Variants in EML5 observed in about 807,000 individuals in gnomAD.
The protein encoded by EML5 is echinoderm microtubule-associated protein-like 5.
In EML5, 120 loss-of-function variants were observed where a neutral mutation model predicts 250.0. That is an observed-to-expected ratio of 0.48 (90% confidence interval 0.41 to 0.56). The LOEUF is 0.56. EML5 is among the 20% of genes least tolerant of loss of function. The pLI is 0.00. For missense variants in EML5, 2,006 were observed against 2,437.6 expected (o/e 0.82, Z 3.73); for synonymous variants, 771 against 806.5 (o/e 0.96, Z 0.75).
intron 1 of EML5, among the ~76,000 whole-genome samples, chr14:88,765,366 C>T (rs552644529): frequency 1.2e-4 from 18 of 152,158 alleles, no homozygotes; most frequent in Non-Finnish European, 2.6e-4. Context: ...GAGGCTTTCA[C>T]TCCCCTGCTG....
At chr14:88,699,981 C>T (rs1478474891) in intron 14 of EML5, among the ~76,000 whole-genome samples, 1 of 152,158 alleles carries the variant, frequency 6.6e-6, no homozygotes. Flanking sequence ...TATACACACA[C>T]ACATACATAT....
intron 1 of EML5, among the ~76,000 whole-genome samples, chr14:88,762,167 T>C (rs2094253856): frequency 1.3e-5 from 2 of 152,258 alleles, no homozygotes; most frequent in East Asian, 1.9e-4. Context: ...TAAATGTATA[T>C]GCACCCAATA....
chr14:88,727,113 T>A (rs1325926456), intron 7 of EML5, among the ~76,000 whole-genome samples: 2 of 152,174 alleles, frequency 1.3e-5, no homozygotes, highest in Non-Finnish European at 2.9e-5. Flanking sequence ...ATAAACACAA[T>A]GTTTTGCCAT....
rs1017419990 is a variant in EML5 at position 88,736,509 on chromosome 14, C to T, written c.904G>A (p.Asp302Asn). ...ACCACAATTTCAAAAATTTCACTGT[C>T]CTGTGTTCCAACTAGAATGTGGTCA... is the stretch of plus-strand genomic sequence containing the variant. ...RGDHILVGTQ[D>N]SEIFEIVVQE... The change falls in exon 7 of 44, where the codon GAC (aspartate) becomes AAC (asparagine). Residue 302 changes from aspartate (D) to asparagine (N), a missense_variant. By Grantham distance (23) the Asp-to-Asn change is conservative. Transcript: ENST00000554922. The T allele has an allele frequency of 3.1e-6, 5 of 1,613,864 alleles. No homozygotes were observed. Among genetic ancestry groups the T allele is most frequent in the Admixed American group, 3.3e-5 (2 of 59,998 alleles).
At chr14:88,723,243 GC>G (rs1026084440) in intron 8 of EML5, among the ~76,000 whole-genome samples, 19 of 152,172 alleles carry the variant, frequency 1.2e-4, no homozygotes, top group African/African-American at 4.3e-4. Context: ...TGAGGCCCAG[GC>G]TCTACAAAAA....
intron 19 of EML5, among the ~76,000 whole-genome samples, chr14:88,686,306 GA>G (rs1176122999): frequency 5.3e-5 from 8 of 152,202 alleles, no homozygotes; most frequent in African/African-American, 1.9e-4. Flanking sequence ...TGCACTCAAA[GA>G]CGAGTTAACG....
rs1418933140 is a variant in EML5 at position 88,617,100 on chromosome 14, C to T, written c.5643-221G>A. The T allele has an allele frequency of 1.0e-5, 4 of 393,324 alleles. No homozygotes were observed. In the East Asian group the frequency reaches 1.1e-4, roughly 11 times the overall value. 24.4% of individuals were successfully genotyped at this position (393,324 alleles called of 1,614,324 possible). A position where few individuals can be genotyped will look rare whatever the true frequency, so the allele number is the denominator to read the frequency against. Reference sequence around the variant, plus strand: ...TAATTTGAAGGGTTTCTAGATTAATCTTTTTAAGATTAAAGTAGTACTTTA... The same window carrying T: ...TAATTTGAAGGGTTTCTAGATTAATTTTTTTAAGATTAAAGTAGTACTTTA... On this transcript the variant is annotated intron_variant, in intron 41 of 43. Transcript: ENST00000554922.
At position 88,687,409 on chromosome 14, in the gene EML5, C is replaced by A. The variant is rs2092858241; in HGVS notation, c.2743-82G>T. 1.8e-5 allele frequency: 18 copies of A among 985,972 alleles called. No individual in the cohort carries two copies. The South Asian group carries it at 3.1e-4, about 17-fold the overall frequency. The allele number at this position is 985,972 out of a possible 1,614,324, so 61.1% of individuals were successfully genotyped here. The stretch of plus-strand genomic sequence containing the variant: ...ACCTTTTTCCTTATATTGAAAACTT[C>A]TAGAAAAAAGAACATAGTCAAAAGT... On this transcript the variant is annotated intron_variant, in intron 18 of 43. Coordinates refer to ENST00000554922, the MANE Select transcript of EML5 (RefSeq NM_183387.3).
At chr14:88,696,772 C>A in intron 15 of EML5, 75 bp downstream of exon 15, 3 of 1,003,408 alleles carry the variant, frequency 3.0e-6, no homozygotes, top group East Asian at 2.6e-5. Context: ...GCTTAGGTAA[C>A]ACTGACTTAG....
At chr14:88,755,294 A>G (rs2094145258) in intron 1 of EML5, among the ~76,000 whole-genome samples, 1 of 152,220 alleles carries the variant, frequency 6.6e-6, no homozygotes, top group Non-Finnish European at 1.5e-5. Context: ...ACAAATTGGT[A>G]GCCTTTTCCT....
At chr14:88,784,564 ACAACCTAC>A (rs1345766775) in intron 1 of EML5, among the ~76,000 whole-genome samples, 1 of 152,206 alleles carries the variant, frequency 6.6e-6, no homozygotes, top group Non-Finnish European at 1.5e-5. Context: ...CTAGACATAT[ACAACCTAC>A]CAAGATTGAA....
chr14:88,649,857 A>C, intron 28 of EML5, 55 bp downstream of exon 28: 1 of 1,348,240 alleles, frequency 7.4e-7, no homozygotes, highest in Non-Finnish European at 1.0e-6. Flanking sequence ...TACCATAAAG[A>C]ATAAAATAAA....
At chr14:88,742,091 A>C (rs2140261763) in intron 4 of EML5, among the ~76,000 whole-genome samples, 1 of 152,286 alleles carries the variant, frequency 6.6e-6, no homozygotes, top group Non-Finnish European at 1.5e-5. Flanking sequence ...GAAATCATAA[A>C]ATGGGATGCC....
rs2094620735 is a variant in EML5 at position 88,792,478 on chromosome 14, C to G, written c.26G>C (p.Cys9Ser). The G allele has an allele frequency of 1.4e-6, 2 of 1,465,270 alleles. No individual in the cohort carries two copies. Among genetic ancestry groups the G allele is most frequent in the Non-Finnish European group, 1.8e-6 (2 of 1,102,476 alleles). The allele number at this position is 1,465,270 out of a possible 1,614,324, so 90.8% of individuals were successfully genotyped here. ...GTACACCCACTCGAGCCGCAGGTGG[C>G]AGCTCGGGGCGCTCCGGGCCGCCAT... The part of the protein sequence containing the change: MAARSAPS[C>S]HLRLEWVYGY... Residue 9 changes from cysteine (C) to serine (S), a missense_variant, in exon 1 of 44, where the codon TGC becomes TCC. Physicochemically the swap from Cys to Ser is moderately radical, Grantham distance 112. Around this residue, in one of 7 missense-constraint regions of EML5, gnomAD observed 162 missense variants for 212.2 expected, o/e 0.76. Coordinates refer to ENST00000554922, the MANE Select transcript of EML5 (RefSeq NM_183387.3). The surrounding 1 kb of genome is among the most constrained non-coding windows in gnomAD (Gnocchi z 6.9).
chr14:88,732,863 T>A (rs970290631), intron 7 of EML5, among the ~76,000 whole-genome samples: 4 of 152,148 alleles, frequency 2.6e-5, no homozygotes, highest in African/African-American at 9.7e-5. Flanking sequence ...CAGGCTGGAG[T>A]GCAGTGGCGC....
At chr14:88,656,013 TTGG>T (rs1410097944) in intron 27 of EML5, among the ~76,000 whole-genome samples, 2 of 152,194 alleles carry the variant, frequency 1.3e-5, no homozygotes, top group Non-Finnish European at 2.9e-5. Flanking sequence ...TTTTACACTG[TTGG>T]TGGGAGTGTA....
chr14:88,621,084 C>A (rs763967374), intron 38 of EML5, 29 bp downstream of exon 38: 3 of 1,594,278 alleles, frequency 1.9e-6, no homozygotes, highest in Non-Finnish European at 2.6e-6. Context: ...GAAGTTGTAA[C>A]CTCTTTTAAA....
intron 31 of EML5, among the ~76,000 whole-genome samples, chr14:88,641,255 T>C (rs940237221): frequency 2.0e-5 from 3 of 152,054 alleles, no homozygotes; most frequent in African/African-American, 7.2e-5. Context: ...CTCTAACTCA[T>C]TCTGTGAAGC....
At chr14:88,752,555 C>T (rs980281475) in intron 2 of EML5, among the ~76,000 whole-genome samples, 2 of 152,056 alleles carry the variant, frequency 1.3e-5, no homozygotes, top group Non-Finnish European at 2.9e-5. Context: ...ATAAGAGATT[C>T]CAATTAAGTC....
Sources: allele counts gnomAD v4.1 joint callset (sites outside exome capture counted in the v4.1 genomes callset), GRCh38; gene constraint gnomAD v4.1.1; regional missense constraint gnomAD v4.1.1; non-coding constraint Gnocchi (gnomAD v3.1); transcripts MANE v1.5; gene names NCBI Gene and HGNC (gene_info 2026-07-23, HGNC 2026-07-21).